The following GRIK2 variants were observed in gnomAD, a reference collection of about 807,000 sequenced individuals.
GRIK2 encodes the protein glutamate receptor ionotropic, kainate 2.
Under a neutral mutation model 100.3 loss-of-function variants are expected in GRIK2, and 32 were observed. The observed-to-expected ratio is 0.32, with a 90% CI of 0.24 to 0.43. The LOEUF (loss-of-function observed/expected upper bound fraction) is 0.43, where lower values mean the gene tolerates loss of function less well. Ranked by LOEUF, GRIK2 falls within the 20% of genes least tolerant of loss-of-function variation. The probability of loss-of-function intolerance (pLI) is 1.00; values close to 1 mark genes in which losing one functional copy is unlikely to be tolerated. For missense variants in GRIK2, 843 were observed against 1,114.9 expected, an observed-to-expected ratio of 0.76 and a Z score of 3.47; for synonymous variants, 417 against 389.4, an observed-to-expected ratio of 1.07 and a Z score of -0.83.
intron 2 of GRIK2, among the ~76,000 whole-genome samples, chr6:101,522,022 G>A (rs1436166140): frequency 1.3e-5 from 2 of 151,942 alleles, no homozygotes; most frequent in Non-Finnish European, 2.9e-5. Context: ...AAGGTATTAT[G>A]GAGATACTTT....
intron 7 of GRIK2, among the ~76,000 whole-genome samples, chr6:101,751,093 A>G (rs1776756688): frequency 6.6e-6 from 1 of 151,874 alleles, no homozygotes; most frequent in Non-Finnish European, 1.5e-5. Flanking sequence ...TTTCTTATTT[A>G]TGTATCTATT....
chr6:101,909,561 G>A (rs1168239582), intron 12 of GRIK2, among the ~76,000 whole-genome samples: 1 of 150,562 alleles, frequency 6.6e-6, no homozygotes, highest in Admixed American at 6.7e-5. Context: ...TGGACTTCTT[G>A]GCCTTCTTTC....
intron 14 of GRIK2, chr6:101,993,835 C>T: frequency 6.8e-6 from 1 of 146,450 alleles, no homozygotes; most frequent in East Asian, 2.0e-4. Flanking sequence ...TATATATGTT[C>T]TACTAGCAAA....
chr6:101,543,865 G>A (rs923007886), intron 2 of GRIK2, among the ~76,000 whole-genome samples: 2 of 152,300 alleles, frequency 1.3e-5, no homozygotes, highest in Admixed American at 6.5e-5. Context: ...GTCAATTACA[G>A]AGAAATGCTT....
chr6:101,513,704 C>T (rs1432172696), intron 2 of GRIK2, among the ~76,000 whole-genome samples: 1 of 152,132 alleles, frequency 6.6e-6, no homozygotes, highest in Admixed American at 6.6e-5. Context: ...ACTCCCCAGA[C>T]ACCTTAGATA....
At chr6:102,000,630 A>T (rs1300025529) in intron 14 of GRIK2, among the ~76,000 whole-genome samples, 2 of 152,026 alleles carry the variant, frequency 1.3e-5, no homozygotes, top group African/African-American at 4.8e-5. Flanking sequence ...CTTTCAAAGT[A>T]TTTGTCCATT....
chr6:101,803,985 GAATT>G (rs906052761), intron 9 of GRIK2, among the ~76,000 whole-genome samples: 1 of 151,786 alleles, frequency 6.6e-6, no homozygotes, highest in African/African-American at 2.4e-5. Context: ...TCATTTTGCT[GAATT>G]AATTATGTTC....
intron 7 of GRIK2, chr6:101,744,523 C>CATACATATAT (rs1776267154): frequency 1.6e-5 from 1 of 61,222 alleles, no homozygotes; most frequent in Non-Finnish European, 3.1e-5. Context: ...TGCGTGCGCG[C>CATACATATAT]ATATATATAT....
intron 4 of GRIK2, among the ~76,000 whole-genome samples, chr6:101,667,625 G>A (rs1770129562): frequency 6.6e-6 from 1 of 152,080 alleles, no homozygotes; most frequent in Non-Finnish European, 1.5e-5. Context: ...CATGGTTCAA[G>A]GTTATCAAGT....
At chr6:101,604,930 C>T (rs552408856) in intron 2 of GRIK2, among the ~76,000 whole-genome samples, 27 of 151,750 alleles carry the variant, frequency 1.8e-4, no homozygotes, top group Non-Finnish European at 3.1e-4. Flanking sequence ...TTTGGAGAAA[C>T]GACAAGAACA....
chr6:102,044,250 T>A (rs1005841143), intron 15 of GRIK2, among the ~76,000 whole-genome samples: 2 of 152,054 alleles, frequency 1.3e-5, no homozygotes, highest in Non-Finnish European at 2.9e-5. Flanking sequence ...TCACATTGTG[T>A]ATCTGTTCAA....
chr6:101,818,524 T>C lies in GRIK2; in HGVS notation c.1317+41T>C, dbSNP rs561404499. On this transcript the variant is annotated intron_variant, in intron 10 of 16. Transcript: ENST00000369134. Reference sequence around the variant, plus strand: ...TCCATTATTCTTAGTTAAATGTAGATGAACACAGAAGTGCATAGAAAAGGA... The same window carrying C: ...TCCATTATTCTTAGTTAAATGTAGACGAACACAGAAGTGCATAGAAAAGGA... The C allele has an allele frequency of 2.8e-6, 3 of 1,073,458 alleles. No homozygotes were observed. The African/African-American group carries it at 4.7e-5, about 17-fold the overall frequency. 66.5% of individuals were successfully genotyped at this position (1,073,458 alleles called of 1,614,324 possible). A position where few individuals can be genotyped will look rare whatever the true frequency, so the allele number is the denominator to read the frequency against.
intron 11 of GRIK2, among the ~76,000 whole-genome samples, chr6:101,871,729 G>A (rs1029628420): frequency 2.0e-5 from 3 of 151,948 alleles, no homozygotes; most frequent in African/African-American, 4.8e-5. Flanking sequence ...TTATGGCTAC[G>A]TAGAGTTCCA....
chr6:101,648,342 G>A (rs1251764354), intron 4 of GRIK2, among the ~76,000 whole-genome samples: 1 of 151,898 alleles, frequency 6.6e-6, no homozygotes, highest in Non-Finnish European at 1.5e-5. Context: ...AAAAATAAAG[G>A]ACACATTTGA....
At chr6:102,024,770 T>G (rs762130541) in intron 14 of GRIK2, among the ~76,000 whole-genome samples, 4 of 151,132 alleles carry the variant, frequency 2.6e-5, no homozygotes, top group Non-Finnish European at 5.9e-5. Flanking sequence ...CTATTTTGCT[T>G]TAAAGCTGGG....
intron 10 of GRIK2, among the ~76,000 whole-genome samples, chr6:101,853,632 CA>C (rs1784262472): frequency 6.6e-6 from 1 of 152,174 alleles, no homozygotes; most frequent in Non-Finnish European, 1.5e-5. Flanking sequence ...CAAAAACCAG[CA>C]CATGGATGTT....
chr6:101,425,876 G>A lies in GRIK2; in HGVS notation c.115+26484G>A, dbSNP rs17061935. Among the ~76,000 whole-genome samples the A allele has an allele frequency of 8.2e-3, 1,255 of 152,232 alleles. 30 individuals are homozygous for A. In the East Asian group the frequency reaches 0.083, roughly 10 times the overall value. On this transcript the variant is annotated intron_variant, in intron 2 of 16. Transcript: ENST00000369134. ...TTCTGAGCATCAGTTTTCCTCTCCA[G>A]GATTTGAAGGGCATACTGATTGGCA...
intron 4 of GRIK2, among the ~76,000 whole-genome samples, chr6:101,653,953 G>A (rs748213955): frequency 7.2e-5 from 11 of 151,890 alleles, no homozygotes; most frequent in Non-Finnish European, 1.0e-4. Context: ...AAATTATACC[G>A]GCTTATGCAC....
chr6:101,779,802 A>G (rs1039841536), intron 7 of GRIK2, among the ~76,000 whole-genome samples: 1 of 152,176 alleles, frequency 6.6e-6, no homozygotes, highest in Admixed American at 6.5e-5. Flanking sequence ...GTGTGTATGT[A>G]TAATATATAA....
Sources: gnomAD v4.1 joint callset for allele counts (sites outside exome capture counted in the v4.1 genomes callset) on GRCh38, gnomAD v4.1.1 for gene constraint, MANE v1.5 for transcripts, NCBI Gene and HGNC (gene_info 2026-07-23, HGNC 2026-07-21) for gene names.